Variants in C1QTNF9 observed in about 807,000 individuals in gnomAD.
C1QTNF9 encodes the protein C1q and TNF related 9.
In C1QTNF9, 6 loss-of-function variants were observed where a neutral mutation model predicts 10.1. The ratio of observed to expected loss-of-function variants is 0.59; its 90% confidence interval spans 0.32 to 1.17. C1QTNF9 has a LOEUF of 1.17. Ranked by LOEUF, C1QTNF9 falls within the 50% of genes most tolerant of loss-of-function variation. The pLI is 0.04. For synonymous variants in C1QTNF9, 98 were observed against 163.5 expected (o/e 0.60, Z 3.06); for missense variants, 201 against 418.8 (o/e 0.48, Z 4.54).
chr13:24,310,297 G>A (rs1475974739), intron 1 of C1QTNF9, among the ~76,000 whole-genome samples: 6 of 150,340 alleles, frequency 4.0e-5, no homozygotes, highest in Non-Finnish European at 8.8e-5. Context: ...GGGACTACAG[G>A]AGCCTGCCAC....
chr13:24,314,886 C>T (rs1219962715), intron 1 of C1QTNF9, among the ~76,000 whole-genome samples: 4 of 150,996 alleles, frequency 2.6e-5, no homozygotes, highest in African/African-American at 2.4e-5. Context: ...GCATTTCTCC[C>T]GAACTAGGTG....
chr13:24,308,219 C>A (rs1877672124), upstream of C1QTNF9, among the ~76,000 whole-genome samples: 2 of 152,210 alleles, frequency 1.3e-5, no homozygotes, highest in South Asian at 4.1e-4. Context: ...TCTCAGAGCT[C>A]TCCGGGGCGC....
chr13:24,312,325 T>TGG (rs1877858471), intron 1 of C1QTNF9, among the ~76,000 whole-genome samples: 1 of 152,056 alleles, frequency 6.6e-6, no homozygotes, highest in African/African-American at 2.4e-5. Flanking sequence ...CTAGGTGTGG[T>TGG]GTACAGAGTA....
At chr13:24,321,857 C>T in exon 4 of C1QTNF9, 1 of 1,390,058 alleles carries the variant, frequency 7.2e-7, no homozygotes, top group Non-Finnish European at 9.5e-7. Flanking sequence ...TTAATTCCTC[C>T]AATTATTACA....
At chr13:24,313,125 CAAAT>C (rs905262861) in intron 1 of C1QTNF9, among the ~76,000 whole-genome samples, 5 of 152,192 alleles carry the variant, frequency 3.3e-5, no homozygotes, top group Non-Finnish European at 5.9e-5. Context: ...AACAAACAAA[CAAAT>C]AAAACAGAAA....
intron 1 of C1QTNF9, among the ~76,000 whole-genome samples, chr13:24,310,994 C>T (rs925216019): frequency 5.3e-5 from 8 of 151,114 alleles, no homozygotes; most frequent in African/African-American, 1.5e-4. Flanking sequence ...ACAATATATT[C>T]GATGAAGGCA....
intron 2 of C1QTNF9, among the ~76,000 whole-genome samples, chr13:24,318,276 G>A (rs3854477): frequency 3.9e-5 from 6 of 152,194 alleles, no homozygotes; most frequent in African/African-American, 9.6e-5. Flanking sequence ...CAGCTTGATT[G>A]GTGGCATTTC....
Position 24,313,998 on chromosome 13 carries a change from A to G in C1QTNF9, c.-22-1984A>G, listed in dbSNP as rs1284718794. Among the ~76,000 whole-genome samples the G allele has an allele frequency of 3.3e-5, 5 of 152,178 alleles. No individual in the cohort carries two copies. In the South Asian group the frequency reaches 8.3e-4, roughly 25 times the overall value. On this transcript the variant is annotated intron_variant, in intron 1 of 3. Transcript: ENST00000332018. ...TAGTAAACCTTTCCCCTATTGTTAC[A>G]TAGTATGTAGTATGCACGTTTTCAC...
At chr13:24,317,254 AGTGTGTGT>A (rs10663026) in intron 2 of C1QTNF9, among the ~76,000 whole-genome samples, 1 of 125,874 alleles carries the variant, frequency 7.9e-6, no homozygotes, top group South Asian at 2.3e-4. Context: ...GGACCACAGT[AGTGTGTGT>A]GTGTGTGTGT....
At chr13:24,316,019 C>T (rs1974332) in exon 2 of C1QTNF9, 293,636 of 1,612,990 alleles carry the variant, frequency 0.18, 29,273 homozygotes, top group African/African-American at 0.33. Flanking sequence ...GATCTGGTGG[C>T]TTCTGCTTGC....
intron 1 of C1QTNF9, among the ~76,000 whole-genome samples, chr13:24,313,419 T>C (rs1438825356): frequency 6.6e-6 from 1 of 152,222 alleles, no homozygotes; most frequent in Non-Finnish European, 1.5e-5. Flanking sequence ...TTTTGAAAAG[T>C]TAAAATGAAA....
chr13:24,307,516 A>G (rs1178022365), upstream of C1QTNF9, among the ~76,000 whole-genome samples: 6 of 152,218 alleles, frequency 3.9e-5, no homozygotes, highest in Non-Finnish European at 8.8e-5. Flanking sequence ...TCAACAGCCC[A>G]TTGTTTGCTG....
chr13:24,322,018 G>C (rs1023405461), exon 4 of C1QTNF9: 18 of 479,416 alleles, frequency 3.8e-5, no homozygotes, highest in African/African-American at 3.6e-4. Flanking sequence ...AGAATCCCTC[G>C]TCTGTGCGTT....
chr13:24,315,057 C>T (rs1324004490), intron 1 of C1QTNF9, among the ~76,000 whole-genome samples: 1 of 151,980 alleles, frequency 6.6e-6, no homozygotes, highest in African/African-American at 2.4e-5. Flanking sequence ...TAACATAAAA[C>T]GTAAAACTAA....
Position 24,320,633 on chromosome 13 carries a change from C to T in C1QTNF9, c.230-363C>T, listed in dbSNP as rs554189575. Among the ~76,000 whole-genome samples the T allele has an allele frequency of 7.6e-4, 115 of 152,294 alleles. 2 individuals carry two copies. The South Asian group carries it at 0.013, about 17-fold the overall frequency. ...TTCCTGGACTCAAGTAGTCTGCCCA[C>T]CTTGGCCTCCCAAAGTGCTAGGATT... On this transcript the variant is annotated intron_variant, in intron 3 of 3. Coordinates refer to ENST00000332018, the Ensembl canonical transcript of C1QTNF9.
upstream of C1QTNF9, among the ~76,000 whole-genome samples, chr13:24,308,701 T>C (rs1256846631): frequency 4.0e-5 from 6 of 148,638 alleles, no homozygotes; most frequent in African/African-American, 1.2e-4. Flanking sequence ...CGAGCTGGGG[T>C]GAGCCCCGCA....
intron 1 of C1QTNF9, among the ~76,000 whole-genome samples, chr13:24,314,388 A>G (rs542359360): frequency 1.3e-4 from 20 of 152,046 alleles, no homozygotes; most frequent in Admixed American, 4.6e-4. Context: ...GAAAAAAAAA[A>G]AAAGAAAGAA....
chr13:24,320,692 T>C (rs951101435), intron 3 of C1QTNF9, among the ~76,000 whole-genome samples: 3 of 152,038 alleles, frequency 2.0e-5, no homozygotes, highest in East Asian at 3.9e-4. Flanking sequence ...GCTGGAGTAA[T>C]TGAATTTTAT....
chr13:24,317,672 T>A (rs969490590), intron 2 of C1QTNF9, among the ~76,000 whole-genome samples: 1 of 152,166 alleles, frequency 6.6e-6, no homozygotes, highest in African/African-American at 2.4e-5. Context: ...TACCTGTGCA[T>A]AATGTAGAAA....
Sources: allele counts gnomAD v4.1 joint callset (sites outside exome capture counted in the v4.1 genomes callset), GRCh38; gene constraint gnomAD v4.1.1; transcripts MANE v1.5; gene names NCBI Gene and HGNC (gene_info 2026-07-23, HGNC 2026-07-21).